RPS14: variants seen among roughly 807,000 people sequenced by gnomAD.
RPS14 encodes small ribosomal subunit protein uS11.
In RPS14, 1 loss-of-function variant was observed where a neutral mutation model predicts 15.4. The observed-to-expected ratio is 0.07, with a 90% CI of 0.02 to 0.31. The LOEUF is 0.31. RPS14 is among the 10% of genes least tolerant of loss of function. The pLI, the probability that RPS14 is intolerant of heterozygous loss-of-function variation, is 1.00. For synonymous variants in RPS14, 68 were observed against 74.4 expected, an observed-to-expected ratio of 0.91 and a Z score of 0.44; for missense variants, 69 against 205.5, an observed-to-expected ratio of 0.34 and a Z score of 4.06.
In RPS14 at chr5:150,444,218, G is replaced by A; in HGVS notation, c.*68C>T. 1 of 1,545,990 alleles carries A rather than the reference G, an allele frequency of 6.5e-7. No individual in the cohort carries two copies. The highest frequency in any genetic ancestry group is 1.2e-5 in the South Asian group (1 of 85,618). Reference sequence around the variant, plus strand: ...CCTGAGTAGCCCCTGATGAAGGAGAGAAGGCTGGAGTTGAAACAGTTTACA... The same window carrying A: ...CCTGAGTAGCCCCTGATGAAGGAGAAAAGGCTGGAGTTGAAACAGTTTACA... On this transcript the variant is annotated 3_prime_UTR_variant, in exon 5 of 5. Transcript: ENST00000407193.
At chr5:150,447,881 T>C in intron 1 of RPS14, 146 bp from the exon 2 acceptor site, 1 of 904,522 alleles carries the variant, frequency 1.1e-6, no homozygotes, top group Middle Eastern at 2.2e-4. Flanking sequence ...CATTTCTGCC[T>C]CACTAAAACT....
intron 2 of RPS14, 129 bp downstream of exon 2, chr5:150,447,456 A>C (rs766914888): frequency 2.2e-6 from 2 of 920,310 alleles, no homozygotes; most frequent in Non-Finnish European, 3.5e-6. Context: ...GGCTAAATGG[A>C]CAAGCACATT....
At chr5:150,449,426 C>CGGCCGT (rs946106843) in intron 1 of RPS14, 18 of 152,320 alleles carry the variant, frequency 1.2e-4, no homozygotes, top group African/African-American at 3.4e-4. Context: ...AGCTCAAACG[C>CGGCCGT]GGCCGTGGCC....
In RPS14 at chr5:150,447,994, C is replaced by T. The variant is rs1771155814; in HGVS notation, c.-2-259G>A. 10 of 416,880 alleles carry T rather than the reference C, an allele frequency of 2.4e-5. No individual in the cohort carries two copies. The Admixed American group carries it at 3.8e-4, about 16-fold the overall frequency. The allele number at this position is 416,880 out of a possible 1,614,324, so 25.8% of individuals were successfully genotyped here. On this transcript the variant is annotated intron_variant, in intron 1 of 4. Coordinates refer to ENST00000407193, the MANE Select transcript of RPS14 (RefSeq NM_005617.4). ...ACTACCAACAGCTCAGCTCACAGCA[C>T]CTACAAGATAGAAGCCTAGGGATCT... is the stretch of plus-strand genomic sequence containing the variant.
rs1487731794 is a variant in RPS14, at chr5:150,443,183, T to C, written c.*1103A>G. 1 of 94,766 alleles carries C rather than the reference T, an allele frequency of 1.1e-5. No individual in the cohort carries two copies. The highest frequency in any genetic ancestry group is 2.9e-5 in the African/African-American group (1 of 34,194). The allele number at this position is 94,766 out of a possible 1,614,324, so 5.9% of individuals were successfully genotyped here. ...CAAGCTTTTTTTTTTTATTATACTT[T>C]AAGTTTTAGGGTACATGTGCACAAC... On this transcript the variant is annotated 3_prime_UTR_variant, in exon 5 of 5. Coordinates refer to ENST00000407193, the MANE Select transcript of RPS14 (RefSeq NM_005617.4).
chr5:150,447,406 T>C, intron 2 of RPS14, 179 bp downstream of exon 2: 1 of 659,516 alleles, frequency 1.5e-6, no homozygotes, highest in East Asian at 2.6e-5. Flanking sequence ...GAAGAATGTG[T>C]CTCCTCTCTT....
In RPS14 at chr5:150,444,856, C is replaced by T. The variant is rs537130327; in HGVS notation, c.389-503G>A. ...ACCTGGGCAACATGGTGAAACTCCC[C>T]GCTACAAAAAAAAAAAGCCCGGTGT... is the stretch of plus-strand genomic sequence containing the variant. On this transcript the variant is annotated intron_variant, in intron 4 of 4. Transcript: ENST00000407193. Among the ~76,000 whole-genome samples, 4 of 109,790 alleles carry T rather than the reference C, an allele frequency of 3.6e-5. No homozygotes were observed. In the South Asian group the frequency reaches 1.2e-3, roughly 32 times the overall value. The allele number at this position is 109,790 out of a possible 152,430, so 72.0% of individuals were successfully genotyped here.
intron 2 of RPS14, 41 bp downstream of exon 2, chr5:150,447,544 A>G: frequency 6.2e-7 from 1 of 1,607,006 alleles, no homozygotes; most frequent in Non-Finnish European, 8.5e-7. Context: ...TGCCTTCCTC[A>G]GCCTTTTGCC....
At chr5:150,448,847 T>C (rs889885368) in intron 1 of RPS14, 5 of 152,244 alleles carry the variant, frequency 3.3e-5, no homozygotes, top group Admixed American at 3.3e-4. Flanking sequence ...AGTGTAAGTC[T>C]TGGGTGTACG....
Position 150,443,136 on chromosome 5 carries a change from G to A in RPS14, c.*1150C>T, listed in dbSNP as rs1375298597. 5 of 151,744 alleles carry A rather than the reference G, an allele frequency of 3.3e-5. No homozygotes were observed. Among genetic ancestry groups the A allele is most frequent in the African/African-American group, 1.2e-4 (5 of 41,182 alleles). 9.4% of individuals were successfully genotyped at this position (151,744 alleles called of 1,614,324 possible). A position where few individuals can be genotyped will look rare whatever the true frequency, so the allele number is the denominator to read the frequency against. ...CTTTCATGACTTTTAACAATTTAAG[G>A]AGTACTGTTATATTTTTTTTGCAAG... On this transcript the variant is annotated 3_prime_UTR_variant, in exon 5 of 5. Coordinates refer to ENST00000407193, the MANE Select transcript of RPS14 (RefSeq NM_005617.4).
At chr5:150,447,452 A>G (rs944476562) in intron 2 of RPS14, 133 bp downstream of exon 2, 3 of 895,274 alleles carry the variant, frequency 3.4e-6, no homozygotes, top group Non-Finnish European at 5.4e-6. Flanking sequence ...TGTGGGCTAA[A>G]TGGACAAGCA....
Position 150,446,665 on chromosome 5 carries a change from C to T in RPS14, c.311+137G>A. The T allele has an allele frequency of 1.2e-6, 1 of 868,296 alleles. No individual in the cohort carries two copies. The highest frequency in any genetic ancestry group is 1.8e-6 in the Non-Finnish European group (1 of 558,504). 53.8% of individuals were successfully genotyped at this position (868,296 alleles called of 1,614,324 possible). A position where few individuals can be genotyped will look rare whatever the true frequency, so the allele number is the denominator to read the frequency against. On this transcript the variant is annotated intron_variant, in intron 3 of 4. Transcript: ENST00000407193. The surrounding 1 kb of genome is among the most constrained non-coding windows in gnomAD (Gnocchi z 4.2). ...AGCTGCTGGGGGGTGTACACAGGAGCCAATTATTAAGTATGTATATGCCTA... is the reference window on the plus strand; with the variant it reads ...AGCTGCTGGGGGGTGTACACAGGAGTCAATTATTAAGTATGTATATGCCTA...
intron 1 of RPS14, chr5:150,448,742 A>G (rs1771179407): frequency 6.6e-6 from 1 of 152,342 alleles, no homozygotes; most frequent in South Asian, 2.1e-4. Context: ...TACACCACAA[A>G]TAACTACCCT....
At chr5:150,447,299 C>G (rs1771129746) in intron 2 of RPS14, 1 of 534,620 alleles carries the variant, frequency 1.9e-6, no homozygotes, top group Admixed American at 3.4e-5. Context: ...GCACCCAGAG[C>G]CCACTTGCAG....
At chr5:150,447,092 G>T in intron 2 of RPS14, 129 bp from the exon 3 acceptor site, 1 of 1,042,838 alleles carries the variant, frequency 9.6e-7, no homozygotes, top group Non-Finnish European at 1.4e-6. Flanking sequence ...CCCTCATGGA[G>T]TTCAGTCCAG....
intron 4 of RPS14, 172 bp from the exon 5 acceptor site, chr5:150,444,525 C>G: frequency 1.5e-6 from 1 of 676,120 alleles, no homozygotes; most frequent in East Asian, 2.7e-5. Context: ...GCCAGTTCCT[C>G]GAATTTCCTG....
At chr5:150,445,276 A>C in intron 4 of RPS14, 1 of 403,248 alleles carries the variant, frequency 2.5e-6, no homozygotes, top group Non-Finnish European at 4.5e-6. Context: ...AAAAATGCTG[A>C]ACATCCTACA....
At chr5:150,444,403 C>T (rs373790174) in intron 4 of RPS14, 50 bp from the exon 5 acceptor site, 87 of 1,512,750 alleles carry the variant, frequency 5.8e-5, no homozygotes, top group Non-Finnish European at 7.6e-5. Flanking sequence ...ATGGGAAGGG[C>T]CCCCAGGACT....
intron 4 of RPS14, 181 bp downstream of exon 4, chr5:150,445,428 G>A (rs756015533): frequency 1.4e-6 from 1 of 714,008 alleles, no homozygotes; most frequent in Non-Finnish European, 2.6e-6. Context: ...TCATATCAAG[G>A]TGACAGAGAT....
Sources: gnomAD v4.1 joint callset for allele counts (sites outside exome capture counted in the v4.1 genomes callset) on GRCh38, gnomAD v4.1.1 for gene constraint, Gnocchi (gnomAD v3.1) non-coding constraint, MANE v1.5 for transcripts, NCBI Gene and HGNC (gene_info 2026-07-23, HGNC 2026-07-21) for gene names.